UBR2: variants seen among roughly 807,000 people sequenced by gnomAD.
UBR2 encodes the protein E3 ubiquitin-protein ligase UBR2.
A neutral mutation model predicts 247.9 loss-of-function variants in UBR2; 92 were observed. The ratio of observed to expected loss-of-function variants is 0.37; its 90% CI spans 0.31 to 0.44. The LOEUF is 0.44. UBR2 is among the 20% of genes least tolerant of loss of function. The pLI, the probability that UBR2 is intolerant of heterozygous loss-of-function variation, is 1.00. For synonymous variants in UBR2, 672 were observed against 693.5 expected (o/e 0.97, Z 0.49); for missense variants, 1,613 against 2,112.6 (o/e 0.76, Z 4.64).
In UBR2 at chr6:42,663,346, C is replaced by T; in HGVS notation, c.3625C>T (p.Leu1209Phe). The T allele has an allele frequency of 6.2e-7, 1 of 1,613,614 alleles. No homozygotes were observed. Among genetic ancestry groups the T allele is most frequent in the Non-Finnish European group, 8.5e-7 (1 of 1,179,844 alleles). The part of the protein sequence containing the change: ...TSYDVENGEF[L>F]CPLCECLSNT... Reference sequence around the variant, plus strand: ...CTATGATGTAGAAAACGGAGAATTCCTTTGCCCCCTTTGTGAATGCTTGAG... The same window carrying T: ...CTATGATGTAGAAAACGGAGAATTCTTTTGCCCCCTTTGTGAATGCTTGAG... Residue 1209 changes from leucine (L) to phenylalanine (F), a missense_variant, in exon 32 of 47, where the codon CTT becomes TTT. By Grantham distance (22) the Leu-to-Phe change is conservative. This residue lies in a region of UBR2 where 1,524 missense variants were observed against 1,967.3 expected (regional missense o/e 0.77). Coordinates refer to ENST00000372901, the MANE Select transcript of UBR2 (RefSeq NM_001363705.2).
Position 42,652,581 on chromosome 6 carries a change from G to C in UBR2, c.2705G>C (p.Gly902Ala). The stretch of plus-strand genomic sequence containing the variant: ...TCAGATGTCATGTTGTGCATCATGG[G>C]AACAATTCTGCAATGGGCTGTGGAA... ...LQSDVMLCIM[G>A]TILQWAVEHN... The change falls in exon 25 of 47, where the codon GGA becomes GCA. Residue 902 changes from glycine (G) to alanine (A), a missense_variant. Gly to Ala is a moderately conservative substitution (Grantham distance 60). Transcript: ENST00000372901. The C allele has an allele frequency of 1.2e-6, 2 of 1,613,802 alleles. No homozygotes were observed. Among genetic ancestry groups the C allele is most frequent in the Middle Eastern group, 3.3e-4 (2 of 6,058 alleles).
chr6:42,565,174 A>T (rs149473360), intron 1 of UBR2, among the ~76,000 whole-genome samples: 1 of 152,352 alleles, frequency 6.6e-6, no homozygotes. Context: ...TTCCAAACGT[A>T]AAACCGTTCA....
intron 1 of UBR2, among the ~76,000 whole-genome samples, chr6:42,566,132 A>G (rs998700788): frequency 6.6e-6 from 1 of 151,954 alleles, no homozygotes; most frequent in Non-Finnish European, 1.5e-5. Flanking sequence ...CCAGTGATAC[A>G]GGGTACAAAT....
At chr6:42,585,316 G>A (rs1792184236) in intron 2 of UBR2, among the ~76,000 whole-genome samples, 2 of 151,702 alleles carry the variant, frequency 1.3e-5, no homozygotes, top group African/African-American at 4.8e-5. Context: ...TATAACTTTT[G>A]TATATTGCTG....
chr6:42,683,632 C>T (rs1799185476), intron 43 of UBR2, among the ~76,000 whole-genome samples: 1 of 152,202 alleles, frequency 6.6e-6, no homozygotes, highest in Non-Finnish European at 1.5e-5. Flanking sequence ...AGTTGCGCAT[C>T]TCTAATCCAA....
At chr6:42,650,783 AT>A (rs1481290496) in intron 23 of UBR2, among the ~76,000 whole-genome samples, 1 of 152,176 alleles carries the variant, frequency 6.6e-6, no homozygotes, top group South Asian at 2.1e-4. Context: ...GATCTATATA[AT>A]ACATACCTTT....
chr6:42,645,184 T>C (rs946863030), intron 20 of UBR2, among the ~76,000 whole-genome samples: 1 of 152,018 alleles, frequency 6.6e-6, no homozygotes, highest in Admixed American at 6.6e-5. Flanking sequence ...GCAGTTTCCT[T>C]GACCACATTT....
intron 40 of UBR2, among the ~76,000 whole-genome samples, chr6:42,677,493 T>C (rs1798780965): frequency 6.6e-6 from 1 of 152,142 alleles, no homozygotes. Context: ...AGATGGACAC[T>C]CCAGCCAGGC....
chr6:42,564,424 G>C, intron 1 of UBR2, 27 bp downstream of exon 1: 1 of 1,600,008 alleles, frequency 6.2e-7, no homozygotes, highest in Non-Finnish European at 8.5e-7. Context: ...GGGCGGGTGC[G>C]TCTGCCCCTC....
intron 43 of UBR2, 55 bp from the exon 44 acceptor site, chr6:42,684,739 A>T: frequency 7.2e-7 from 1 of 1,388,548 alleles, no homozygotes; most frequent in Non-Finnish European, 1.0e-6. Context: ...AGTGCCTCAT[A>T]GTATAATATG....
At chr6:42,632,522 AC>A in intron 11 of UBR2, 29 bp from the exon 12 acceptor site, 7 of 1,559,452 alleles carry the variant, frequency 4.5e-6, no homozygotes, top group Non-Finnish European at 6.1e-6. Flanking sequence ...GTTTTTGATT[AC>A]CATGCACTCT....
At chr6:42,605,401 C>T (rs1210786971) in intron 5 of UBR2, among the ~76,000 whole-genome samples, 1 of 152,150 alleles carries the variant, frequency 6.6e-6, no homozygotes, top group East Asian at 1.9e-4. Flanking sequence ...GGAATTGCCC[C>T]CAGTTGAGAG....
intron 3 of UBR2, among the ~76,000 whole-genome samples, chr6:42,593,809 A>T (rs571217481): frequency 6.6e-6 from 1 of 152,314 alleles, no homozygotes; most frequent in African/African-American, 2.4e-5. Flanking sequence ...GGAGACAGCA[A>T]CTAGAGGAAT....
At chr6:42,597,151 C>G (rs1793028251) in intron 4 of UBR2, among the ~76,000 whole-genome samples, 1 of 152,146 alleles carries the variant, frequency 6.6e-6, no homozygotes. Context: ...ATCCAACAGT[C>G]CAAGCTCTAC....
chr6:42,614,673 C>T (rs1794426042), intron 8 of UBR2, among the ~76,000 whole-genome samples: 1 of 152,150 alleles, frequency 6.6e-6, no homozygotes, highest in East Asian at 1.9e-4. Context: ...ATGCATTCCT[C>T]CTTTTAAATG....
At chr6:42,684,521 T>C (rs1423122003) in intron 43 of UBR2, among the ~76,000 whole-genome samples, 1 of 151,172 alleles carries the variant, frequency 6.6e-6, no homozygotes, top group African/African-American at 2.4e-5. Flanking sequence ...GAGGCGGAGG[T>C]TGCAGTGAGC....
At chr6:42,602,922 G>A (rs560772239) in intron 4 of UBR2, among the ~76,000 whole-genome samples, 32 of 152,022 alleles carry the variant, frequency 2.1e-4, no homozygotes, top group Non-Finnish European at 3.8e-4. Flanking sequence ...ATGAAAGATA[G>A]TGCAAAACAT....
chr6:42,646,106 T>C (rs10484912), intron 21 of UBR2, among the ~76,000 whole-genome samples: 9,319 of 152,232 alleles, frequency 0.061, 418 homozygotes, highest in Admixed American at 0.13. Flanking sequence ...ATAGGTTAAA[T>C]TGCAACTGTT....
rs749561098 is a variant in UBR2 at position 42,616,771 on chromosome 6, A to T, written c.1183-638A>T. Among the ~76,000 whole-genome samples the T allele has an allele frequency of 2.0e-5, 3 of 152,150 alleles. No homozygotes were observed. In the South Asian group the frequency reaches 6.2e-4, roughly 32 times the overall value. ...CTGAATTACGAAGTATATGAGAATC[A>T]CTTGGAGAGCTCTTTCAAAATACAT... On this transcript the variant is annotated intron_variant, in intron 10 of 46. Transcript: ENST00000372901.
Sources: allele counts gnomAD v4.1 joint callset (sites outside exome capture counted in the v4.1 genomes callset), GRCh38; gene constraint gnomAD v4.1.1; regional missense constraint gnomAD v4.1.1; transcripts MANE v1.5; gene names NCBI Gene and HGNC (gene_info 2026-07-23, HGNC 2026-07-21).